Variants in SAMHD1 observed in about 807,000 individuals in gnomAD.
SAMHD1 encodes the protein deoxynucleoside triphosphate triphosphohydrolase SAMHD1.
SAMHD1 carries 54 observed loss-of-function variants against 79.6 expected under a neutral mutation model. The ratio of observed to expected loss-of-function variants is 0.68; its 90% CI spans 0.55 to 0.85. SAMHD1 has a LOEUF of 0.85. SAMHD1 is among the 40% of genes least tolerant of loss of function. The pLI, the probability that SAMHD1 is intolerant of heterozygous loss-of-function variation, is 0.00. For missense variants in SAMHD1, 663 were observed against 782.7 expected, an observed-to-expected ratio of 0.85 and a Z score of 1.82; for synonymous variants, 260 against 264.1, an observed-to-expected ratio of 0.98 and a Z score of 0.15.
At chr20:36,944,064 C>A (rs2063666003) in intron 2 of SAMHD1, among the ~76,000 whole-genome samples, 1 of 101,548 alleles carries the variant, frequency 9.8e-6, no homozygotes, top group African/African-American at 4.3e-5. Context: ...AGTGACAGAG[C>A]AAGACTCCAT....
In SAMHD1 at chr20:36,905,499, G is replaced by A. The variant is rs2148360636; in HGVS notation, c.1275C>T (p.Asn425=). Residue 425 remains asparagine, a synonymous_variant, in exon 12 of 16, where the codon AAC becomes AAT. Transcript: ENST00000646673. ...DMEAYTKLTD[N]IFLEILYSTD... is the part of the protein sequence containing the mutation. ...TAGAGTATAAAATCTCCAGAAAAAT[G>A]TTATCTGCCAATTTAATGACATTTC... The A allele has an allele frequency of 6.2e-7, 1 of 1,605,350 alleles. No homozygotes were observed. The highest frequency in any genetic ancestry group is 8.5e-7 in the Non-Finnish European group (1 of 1,172,284).
intron 9 of SAMHD1, among the ~76,000 whole-genome samples, chr20:36,915,193 A>T (rs1672658490): frequency 1.3e-5 from 2 of 151,822 alleles, no homozygotes; most frequent in Non-Finnish European, 2.9e-5. Context: ...AATAAATTTC[A>T]GAATTAGCCA....
Position 36,941,084 on chromosome 20 carries a change from A to C in SAMHD1, c.303T>G (p.Leu101=). The part of the protein sequence containing the change: ...VSSLGERKKL[L]SYIQRLVQIH... ...TTTGAACCAATCGCTGGATATAACTAAGCAGCTTCTTCCTCTCCCCCAAGG... is the reference window on the plus strand; with the variant it reads ...TTTGAACCAATCGCTGGATATAACTCAGCAGCTTCTTCCTCTCCCCCAAGG... The change falls in exon 3 of 16, where the codon CTT becomes CTG. Residue 101 remains leucine (L), a synonymous_variant. Transcript: ENST00000646673. 2 of 1,613,448 alleles carry C rather than the reference A, an allele frequency of 1.2e-6. No homozygotes were observed. The highest frequency in any genetic ancestry group is 1.7e-6 in the Non-Finnish European group (2 of 1,179,528).
At chr20:36,917,628 G>A (rs559263735) in intron 7 of SAMHD1, among the ~76,000 whole-genome samples, 1 of 152,212 alleles carries the variant, frequency 6.6e-6, no homozygotes, top group East Asian at 1.9e-4. Context: ...TCTAGCCTGG[G>A]CAACAGAGCA....
intron 1 of SAMHD1, among the ~76,000 whole-genome samples, 161 bp downstream of exon 1, chr20:36,951,275 C>T (rs2063731501): frequency 6.6e-6 from 1 of 152,212 alleles, no homozygotes; most frequent in East Asian, 1.9e-4. Context: ...TCGGGTCTTC[C>T]TTTCCTCGGC....
rs1990085031 is a variant in SAMHD1, at chr20:36,891,953, C to G, written c.*979G>C. ...GATGCCTGTGATGGCCTCTGGCCAG[C>G]TCTCCAGGATACTGAGAGAGCAGGT... On this transcript the variant is annotated 3_prime_UTR_variant, in exon 16 of 16. Coordinates refer to ENST00000646673, the MANE Select transcript of SAMHD1 (RefSeq NM_015474.4). 1.3e-5 allele frequency: 2 copies of G among 152,404 alleles called. No homozygotes were observed. Among genetic ancestry groups the G allele is most frequent in the Admixed American group, 1.3e-4 (2 of 15,284 alleles). The allele number at this position is 152,404 out of a possible 1,614,324, so 9.4% of individuals were successfully genotyped here. A position where few individuals can be genotyped will look rare whatever the true frequency, so the allele number is the denominator to read the frequency against.
intron 6 of SAMHD1, among the ~76,000 whole-genome samples, chr20:36,920,109 A>G (rs1237299203): frequency 6.6e-6 from 1 of 152,030 alleles, no homozygotes; most frequent in East Asian, 1.9e-4. Flanking sequence ...GAATTATCCT[A>G]TAACTATATT....
intron 3 of SAMHD1, among the ~76,000 whole-genome samples, chr20:36,937,986 G>C (rs1011396631): frequency 6.6e-6 from 1 of 150,988 alleles, no homozygotes; most frequent in African/African-American, 2.4e-5. Flanking sequence ...AGCTTCCCAA[G>C]TAGCTGGGAC....
At position 36,904,168 on chromosome 20, in the gene SAMHD1, A is replaced by T. The variant is rs145323435; in HGVS notation, c.1492T>A (p.Phe498Ile). ...LLDVKLKAEDFIVDVINMDYG... is the reference protein window; with the variant it reads ...LLDVKLKAEDIIVDVINMDYG... ...GGCTAATTACTTACATCCACTATAA[A>T]ATCTTCAGCCTTCAGTTTCACGTCT... The change falls in exon 13 of 16, where the codon TTT becomes ATT. Residue 498 changes from phenylalanine to isoleucine, a missense_variant. Phe to Ile is a conservative substitution (Grantham distance 21, BLOSUM62 0). Coordinates refer to ENST00000646673, the MANE Select transcript of SAMHD1 (RefSeq NM_015474.4). 27 of 1,610,846 alleles carry T rather than the reference A, an allele frequency of 1.7e-5. No homozygotes were observed. The highest frequency in any genetic ancestry group is 2.2e-5 in the Non-Finnish European group (26 of 1,177,216).
chr20:36,921,969 G>A (rs779345168), intron 6 of SAMHD1, among the ~76,000 whole-genome samples: 1 of 152,172 alleles, frequency 6.6e-6, no homozygotes, highest in African/African-American at 2.4e-5. Context: ...GATTACAGAT[G>A]TGAGCCACTG....
chr20:36,924,264 G>A (rs2063523298), intron 6 of SAMHD1, among the ~76,000 whole-genome samples: 1 of 150,168 alleles, frequency 6.7e-6, no homozygotes, highest in African/African-American at 2.5e-5. Flanking sequence ...GGAGGGGAGG[G>A]GAAAGGAGGG....
intron 4 of SAMHD1, 92 bp from the exon 5 acceptor site, chr20:36,930,967 T>C: frequency 2.4e-6 from 2 of 845,156 alleles, no homozygotes; most frequent in South Asian, 1.3e-5. Flanking sequence ...TCCTTAAACA[T>C]TCTAACATAC....
At chr20:36,908,999 T>C (rs1240593423) in intron 11 of SAMHD1, among the ~76,000 whole-genome samples, 2 of 152,170 alleles carry the variant, frequency 1.3e-5, no homozygotes, top group Non-Finnish European at 2.9e-5. Flanking sequence ...TCTTGCTCTG[T>C]TGCCTAGGCT....
intron 5 of SAMHD1, among the ~76,000 whole-genome samples, chr20:36,927,767 C>T (rs938989734): frequency 7.9e-5 from 12 of 152,166 alleles, no homozygotes; most frequent in Admixed American, 5.9e-4. Flanking sequence ...AGCTCTCCAT[C>T]GAGCAGTCTC....
chr20:36,935,892 G>C (rs1455192208), intron 3 of SAMHD1, among the ~76,000 whole-genome samples: 1 of 150,970 alleles, frequency 6.6e-6, no homozygotes, highest in East Asian at 2.0e-4. Flanking sequence ...TTTTCTAAAT[G>C]TATCTATACA....
In SAMHD1 at chr20:36,951,426, G is replaced by C; in HGVS notation, c.208+10C>G. The C allele has an allele frequency of 6.2e-7, 1 of 1,613,410 alleles. No homozygotes were observed. Among genetic ancestry groups the C allele is most frequent in the Non-Finnish European group, 8.5e-7 (1 of 1,179,852 alleles). ...CGCCCTTCGCCCCTCAGCCCCTCCG[G>C]AGCCGCTACCTCGGATGTTCTTCAG... On this transcript the variant is annotated intron_variant, in intron 1 of 15. Coordinates refer to ENST00000646673, the MANE Select transcript of SAMHD1 (RefSeq NM_015474.4).
chr20:36,939,075 C>CAAAAAAAAAA (rs1178988134), intron 3 of SAMHD1, among the ~76,000 whole-genome samples: 28 of 22,532 alleles, frequency 1.2e-3, no homozygotes, highest in Admixed American at 1.8e-3. Context: ...CTAAAAATAC[C>CAAAAAAAAAA]AAAAAAAAAA....
At chr20:36,901,562 C>A (rs1990306940) in intron 13 of SAMHD1, among the ~76,000 whole-genome samples, 1 of 151,950 alleles carries the variant, frequency 6.6e-6, no homozygotes, top group African/African-American at 2.4e-5. Context: ...ATGGTGAGAC[C>A]CTATCTATAC....
chr20:36,933,567 A>C (rs748060254), intron 4 of SAMHD1, among the ~76,000 whole-genome samples: 9 of 151,992 alleles, frequency 5.9e-5, no homozygotes, highest in Non-Finnish European at 1.2e-4. Context: ...GTGCTATCTC[A>C]GTTCACTGCA....
Sources: gnomAD v4.1 joint callset for allele counts (sites outside exome capture counted in the v4.1 genomes callset) on GRCh38, gnomAD v4.1.1 for gene constraint, MANE v1.5 for transcripts, NCBI Gene and HGNC (gene_info 2026-07-23, HGNC 2026-07-21) for gene names.